The following UPF2 variants were observed in gnomAD, a reference collection of about 807,000 sequenced individuals.
UPF2 encodes UPF2 regulator of nonsense mediated mRNA decay.
UPF2 carries 17 observed loss-of-function variants against 141.4 expected under a neutral mutation model. The observed-to-expected ratio is 0.12, with a 90% CI of 0.08 to 0.18. The LOEUF (loss-of-function observed/expected upper bound fraction) is 0.18, where lower values mean the gene tolerates loss of function less well. Ranked by LOEUF, UPF2 falls within the 10% of genes least tolerant of loss-of-function variation. UPF2 has a pLI of 1.00. For missense variants in UPF2, 1,152 were observed against 1,515.9 expected, an observed-to-expected ratio of 0.76 and a Z score of 3.99; for synonymous variants, 540 against 498.0, an observed-to-expected ratio of 1.08 and a Z score of -1.12.
chr10:11,978,444 A>G (rs900649422), intron 9 of UPF2, among the ~76,000 whole-genome samples: 11 of 152,330 alleles, frequency 7.2e-5, no homozygotes, highest in Middle Eastern at 3.4e-3. Context: ...ATAACTGGGT[A>G]ACATGGGTTG....
At chr10:11,975,353 T>C (rs1355883712) in intron 9 of UPF2, among the ~76,000 whole-genome samples, 1 of 152,168 alleles carries the variant, frequency 6.6e-6, no homozygotes, top group Non-Finnish European at 1.5e-5. Context: ...CGGAAAAGAA[T>C]TCCTCATGTT....
chr10:11,943,503 A>G (rs960428069), intron 16 of UPF2, among the ~76,000 whole-genome samples: 1 of 152,196 alleles, frequency 6.6e-6, no homozygotes, highest in African/African-American at 2.4e-5. Context: ...GTCTCACAGT[A>G]GTTCTTTAAT....
chr10:11,962,271 T>C (rs1462351687), intron 11 of UPF2, among the ~76,000 whole-genome samples: 1 of 152,230 alleles, frequency 6.6e-6, no homozygotes, highest in Non-Finnish European at 1.5e-5. Flanking sequence ...TTATATGTCT[T>C]CTCAAATAAA....
intron 12 of UPF2, among the ~76,000 whole-genome samples, chr10:11,957,561 G>C (rs1833172992): frequency 6.6e-6 from 1 of 151,850 alleles, no homozygotes; most frequent in East Asian, 1.9e-4. Context: ...TGTCATCCAG[G>C]CTGGAGTGCA....
At chr10:12,010,268 A>G (rs776378150) in intron 4 of UPF2, among the ~76,000 whole-genome samples, 3 of 152,234 alleles carry the variant, frequency 2.0e-5, no homozygotes, top group Non-Finnish European at 4.4e-5. Flanking sequence ...ATGACCAGAC[A>G]TGCAAAGGAG....
At chr10:12,042,864 T>G (rs1834764974), upstream of UPF2, 2 of 151,204 alleles carry the variant, frequency 1.3e-5, no homozygotes, top group East Asian at 3.9e-4. This position sits in a 1 kb window ranked among gnomAD's most constrained non-coding sequence, Gnocchi z 5.5. Context: ...CCGCCTTCCC[T>G]CAGCTCCCCC....
intron 12 of UPF2, among the ~76,000 whole-genome samples, chr10:11,958,385 C>G (rs1322777290): frequency 1.3e-5 from 2 of 152,202 alleles, no homozygotes; most frequent in African/African-American, 4.8e-5. Context: ...CTTTCAAACA[C>G]TAAACATGAT....
chr10:11,999,916 A>G lies in UPF2; in HGVS notation c.1748T>C (p.Leu583Pro). 6.2e-7 allele frequency: 1 copy of G among 1,613,632 alleles called. No homozygotes were observed. Among genetic ancestry groups the G allele is most frequent in the Non-Finnish European group, 8.5e-7 (1 of 1,179,620 alleles). Residue 583 changes from leucine to proline, a missense_variant, in exon 7 of 22, where the codon CTG becomes CCG. Around this residue, in one of 4 missense-constraint regions of UPF2, gnomAD observed 739 missense variants for 1,032.2 expected, o/e 0.72. Transcript: ENST00000357604. ...QQLPNCVNRD[L>P]IDKAAMDFCM... is the part of the protein sequence containing the mutation. ...CAGAGATACCAATACCTTGTCTATC[A>G]GATCTCGGTTGACACAGTTGGGTAA...
At chr10:12,000,117 G>A (rs1833929223) in intron 6 of UPF2, 108 bp from the exon 7 acceptor site, 1 of 893,328 alleles carries the variant, frequency 1.1e-6, no homozygotes, top group Non-Finnish European at 1.7e-6. Context: ...CAATTTTTGT[G>A]CCCAGGAAAA....
At chr10:11,967,067 T>A (rs945876404) in intron 10 of UPF2, among the ~76,000 whole-genome samples, 1 of 152,222 alleles carries the variant, frequency 6.6e-6, no homozygotes, top group African/African-American at 2.4e-5. Flanking sequence ...AGATGGCTCC[T>A]AGTAGTTGTT....
intron 10 of UPF2, among the ~76,000 whole-genome samples, chr10:11,966,354 G>A (rs1833319703): frequency 1.3e-5 from 2 of 152,168 alleles, no homozygotes; most frequent in African/African-American, 4.8e-5. Context: ...GTTATTGGTT[G>A]CATACTGATT....
intron 1 of UPF2, among the ~76,000 whole-genome samples, chr10:12,039,534 G>A (rs561308615): frequency 1.2e-4 from 18 of 152,084 alleles, no homozygotes; most frequent in Non-Finnish European, 2.2e-4. Flanking sequence ...CACATTTTCT[G>A]ATGTGACGCA....
rs1833884667 is a variant in UPF2 at position 11,997,618 on chromosome 10, C to T, written c.1844+54G>A. 28 of 1,491,524 alleles carry T rather than the reference C, an allele frequency of 1.9e-5. No individual in the cohort carries two copies. The South Asian group carries it at 2.6e-4, about 14-fold the overall frequency. 92.4% of individuals were successfully genotyped at this position (1,491,524 alleles called of 1,614,324 possible). A position where few individuals can be genotyped will look rare whatever the true frequency, so the allele number is the denominator to read the frequency against. ...TCAAGAGGTAAGAATTTTGATCTTACAGCCAGCACTACAGAGTAAAAACAC... is the reference window on the plus strand; with the variant it reads ...TCAAGAGGTAAGAATTTTGATCTTATAGCCAGCACTACAGAGTAAAAACAC... On this transcript the variant is annotated intron_variant, in intron 8 of 21. Transcript: ENST00000357604.
chr10:11,985,470 T>C (rs999038499), intron 8 of UPF2, among the ~76,000 whole-genome samples: 7 of 151,922 alleles, frequency 4.6e-5, no homozygotes, highest in African/African-American at 1.7e-4. Context: ...ACCCTGTCTC[T>C]ACTAAAAATA....
chr10:12,029,542 A>G lies in UPF2; in HGVS notation c.366-18T>C. Reference sequence around the variant, plus strand: ...CTTTTTCTCTATATAAAAACAAACAAATAAATAAAATACTCTCTACATTTT... The same window carrying G: ...CTTTTTCTCTATATAAAAACAAACAGATAAATAAAATACTCTCTACATTTT... On this transcript the variant is annotated intron_variant, in intron 2 of 21. Transcript: ENST00000357604. 1 of 1,555,154 alleles carries G rather than the reference A, an allele frequency of 6.4e-7. No individual in the cohort carries two copies. The highest frequency in any genetic ancestry group is 1.4e-5 in the African/African-American group (1 of 72,142).
chr10:12,041,673 G>A (rs960207254), intron 1 of UPF2, among the ~76,000 whole-genome samples: 4 of 152,120 alleles, frequency 2.6e-5, no homozygotes, highest in Non-Finnish European at 5.9e-5. Context: ...ATGCTGTCAG[G>A]ACAGAACAGC....
chr10:11,946,221 T>G (rs987645504), intron 16 of UPF2, among the ~76,000 whole-genome samples: 40 of 152,228 alleles, frequency 2.6e-4, no homozygotes, highest in African/African-American at 9.2e-4. Flanking sequence ...CAATTTGTTA[T>G]GCAGTTAAAC....
chr10:11,948,480 A>G lies in UPF2; in HGVS notation c.3063T>C (p.Asp1021=). 1 of 1,612,944 alleles carries G rather than the reference A, an allele frequency of 6.2e-7. No homozygotes were observed. Among genetic ancestry groups the G allele is most frequent in the South Asian group, 1.1e-5 (1 of 91,060 alleles). The change falls in exon 16 of 22, where the codon GAT becomes GAC. Residue 1021 remains aspartate, a synonymous_variant. Transcript: ENST00000357604. ...LGLVNDKDSK[D]SMTEGENLEE... is the part of the protein sequence containing the mutation. ...CAAGATTTTCTCCTTCTGTCATAGA[A>G]TCTTTTGAGTCTTTGTCATTTACTA...
rs753945258 is a variant in UPF2, at chr10:12,001,737, G to A, written c.1593C>T (p.Thr531=). The change falls in exon 6 of 22, where the codon ACC becomes ACT. Residue 531 remains threonine (T), a synonymous_variant. Coordinates refer to ENST00000357604, the MANE Select transcript of UPF2 (RefSeq NM_015542.4). ...ELENLEINDD[T]LELEGGDEAE... Reference sequence around the variant, plus strand: ...CTTCATCTCCACCCTCTAATTCTAAGGTGTCATCATTAATTTCTAGATTCT... The same window carrying A: ...CTTCATCTCCACCCTCTAATTCTAAAGTGTCATCATTAATTTCTAGATTCT... 2.5e-6 allele frequency: 4 copies of A among 1,613,016 alleles called. No homozygotes were observed. In the East Asian group the frequency reaches 8.9e-5, roughly 36 times the overall value.
Sources: gnomAD v4.1 joint callset for allele counts (sites outside exome capture counted in the v4.1 genomes callset) on GRCh38, gnomAD v4.1.1 for gene constraint, gnomAD v4.1.1 regional missense constraint, Gnocchi (gnomAD v3.1) non-coding constraint, MANE v1.5 for transcripts, NCBI Gene and HGNC (gene_info 2026-07-23, HGNC 2026-07-21) for gene names.